TFB1M: variants seen among roughly 807,000 people sequenced by gnomAD.
TFB1M encodes transcription factor B1, mitochondrial, also known as dimethyladenosine transferase 1, mitochondrial.
TFB1M carries 27 observed loss-of-function variants against 31.1 expected under a neutral mutation model. The ratio of observed to expected loss-of-function variants is 0.87; its 90% CI spans 0.64 to 1.20. The LOEUF is 1.20. Among genes scored for constraint, TFB1M ranks in the 50% most tolerant of loss-of-function variants. TFB1M has a pLI of 0.00. For synonymous variants in TFB1M, 166 were observed against 151.8 expected (o/e 1.09, Z -0.69); for missense variants, 394 against 418.7 (o/e 0.94, Z 0.51).
chr6:155,278,632 G>A (rs1248227000), intron 5 of TFB1M, among the ~76,000 whole-genome samples: 6 of 152,188 alleles, frequency 3.9e-5, no homozygotes, highest in Non-Finnish European at 5.9e-5. Context: ...CACTGAGGGC[G>A]ACAGAGGTGA....
downstream of TFB1M, chr6:155,254,225 A>T (rs1347469321): frequency 6.1e-6 from 6 of 989,536 alleles, no homozygotes; most frequent in Non-Finnish European, 8.9e-6. Flanking sequence ...TATGTTGATT[A>T]AATAAATATC....
intron 5 of TFB1M, among the ~76,000 whole-genome samples, chr6:155,279,588 C>T (rs962023639): frequency 1.3e-5 from 2 of 152,198 alleles, no homozygotes; most frequent in African/African-American, 4.8e-5. Flanking sequence ...TGTCTTTCAT[C>T]ACTATATTGT....
chr6:155,299,795 T>C (rs866918021), intron 2 of TFB1M, among the ~76,000 whole-genome samples: 1 of 152,094 alleles, frequency 6.6e-6, no homozygotes, highest in Non-Finnish European at 1.5e-5. Context: ...AGAGGGAGGA[T>C]AAACAAGATG....
chr6:155,288,241 T>G (rs1370843292), intron 4 of TFB1M, among the ~76,000 whole-genome samples: 5 of 152,208 alleles, frequency 3.3e-5, no homozygotes, highest in African/African-American at 1.2e-4. Context: ...CTTTTTATTT[T>G]AAACTGTCTG....
At chr6:155,283,870 AT>A (rs1170419825) in intron 5 of TFB1M, among the ~76,000 whole-genome samples, 2 of 152,236 alleles carry the variant, frequency 1.3e-5, no homozygotes, top group African/African-American at 4.8e-5. Flanking sequence ...TTTCATTATA[AT>A]GGCCACCTGT....
chr6:155,248,186 C>T, the TFB1M span: 117 of 1,610,966 alleles, frequency 7.3e-5, 1 homozygote, highest in East Asian at 2.2e-3. Context: ...ACGGGTGAGG[C>T]GGCGGCGGCA....
chr6:155,265,707 A>AAATATATTTATATATAATATAAATATAT (rs1784597921), intron 5 of TFB1M, among the ~76,000 whole-genome samples: 1 of 146,884 alleles, frequency 6.8e-6, no homozygotes, highest in South Asian at 2.1e-4. Context: ...TATAAATATT[A>AAATATATTTATATATAATATAAATATAT]AATATATTTA....
chr6:155,314,178 C>T, intron 1 of TFB1M, 118 bp downstream of exon 1: 1 of 1,549,080 alleles, frequency 6.5e-7, no homozygotes, highest in Non-Finnish European at 8.7e-7. Flanking sequence ...AGGACCTGAC[C>T]AAAAGCCCGT....
intron 6 of TFB1M, among the ~76,000 whole-genome samples, chr6:155,259,946 G>T (rs1321512511): frequency 6.6e-6 from 1 of 152,194 alleles, no homozygotes; most frequent in African/African-American, 2.4e-5. Flanking sequence ...AGGGCAACTC[G>T]GTAGAAAGCA....
chr6:155,234,517 CTT>C, the TFB1M span, among the ~76,000 whole-genome samples: 2 of 152,240 alleles, frequency 1.3e-5, no homozygotes, highest in African/African-American at 2.4e-5. Flanking sequence ...ATCCTCCTGA[CTT>C]AGCCTTCTGA....
At chr6:155,243,991 T>C in the TFB1M span, 1 of 1,613,148 alleles carries the variant, frequency 6.2e-7, no homozygotes, top group Non-Finnish European at 8.5e-7. Flanking sequence ...TTGAAGACAC[T>C]TTCTTCTATT....
At chr6:155,286,264 G>C (rs1032120568) in intron 4 of TFB1M, among the ~76,000 whole-genome samples, 9 of 151,864 alleles carry the variant, frequency 5.9e-5, no homozygotes, top group African/African-American at 2.2e-4. Context: ...TAAGTGAAAA[G>C]CAAAATTTTA....
chr6:155,312,117 G>C (rs1245974421), intron 1 of TFB1M, among the ~76,000 whole-genome samples: 1 of 152,116 alleles, frequency 6.6e-6, no homozygotes, highest in East Asian at 1.9e-4. Flanking sequence ...GAAATCCAAG[G>C]AACTGGTCTT....
At chr6:155,250,567 T>C in the TFB1M span, 4 of 1,535,984 alleles carry the variant, frequency 2.6e-6, no homozygotes, top group South Asian at 3.6e-5. Context: ...AGGTGATGGA[T>C]GTACTAGATC....
chr6:155,305,222 A>ATATATATTAAATTATATATT (rs1777633967), intron 2 of TFB1M, among the ~76,000 whole-genome samples: 1 of 38,670 alleles, frequency 2.6e-5, no homozygotes, highest in African/African-American at 1.4e-4. Flanking sequence ...TTATATATTT[A>ATATATATTAAATTATATATT]TATATATATA....
the TFB1M span, chr6:155,248,083 A>C: frequency 6.2e-7 from 1 of 1,614,214 alleles, no homozygotes. Context: ...GTCCTACCTC[A>C]TCAAGCCGGT....
At chr6:155,310,152 A>C (rs1777954515) in intron 2 of TFB1M, among the ~76,000 whole-genome samples, 1 of 152,224 alleles carries the variant, frequency 6.6e-6, no homozygotes, top group East Asian at 1.9e-4. Context: ...AGTTAGTATG[A>C]GAATATACTC....
chr6:155,238,541 C>T, the TFB1M span, among the ~76,000 whole-genome samples: 1 of 152,226 alleles, frequency 6.6e-6, no homozygotes. Context: ...AGGGTCTCAC[C>T]CTTACTTGCC....
intron 4 of TFB1M, among the ~76,000 whole-genome samples, chr6:155,287,116 T>TA (rs574862535): frequency 1.7e-4 from 25 of 148,308 alleles, no homozygotes; most frequent in East Asian, 7.8e-4. Context: ...AATGAACAAT[T>TA]AAAAAAAAAA....
Sources: allele counts gnomAD v4.1 joint callset (sites outside exome capture counted in the v4.1 genomes callset), GRCh38; gene constraint gnomAD v4.1.1; transcripts MANE v1.5; gene names NCBI Gene and HGNC (gene_info 2026-07-23, HGNC 2026-07-21).